P4HA2: variants seen among roughly 807,000 people sequenced by gnomAD.
The protein encoded by P4HA2 is prolyl 4-hydroxylase subunit alpha 2.
A neutral mutation model predicts 76.9 loss-of-function variants in P4HA2; 46 were observed. The ratio of observed to expected loss-of-function variants is 0.60; its 90% CI spans 0.47 to 0.76. The LOEUF is 0.76. Ranked by LOEUF, P4HA2 falls within the 30% of genes least tolerant of loss-of-function variation. The pLI is 0.00. For synonymous variants in P4HA2, 243 were observed against 254.0 expected (o/e 0.96, Z 0.41); for missense variants, 583 against 669.4 (o/e 0.87, Z 1.42).
In P4HA2 at chr5:132,217,190, C is replaced by T; in HGVS notation, c.331+7G>A. 1 of 1,613,532 alleles carries T rather than the reference C, an allele frequency of 6.2e-7. No individual in the cohort carries two copies. The highest frequency in any genetic ancestry group is 1.1e-5 in the South Asian group (1 of 90,990). ...GCTCACTCAAGCACCTGCTCACCGTCCCTCACCTGCAGCTGAGTCCTGCAG... is the reference window on the plus strand; with the variant it reads ...GCTCACTCAAGCACCTGCTCACCGTTCCTCACCTGCAGCTGAGTCCTGCAG... On this transcript the variant is annotated splice_region_variant and intron_variant, in intron 4 of 14. Coordinates refer to ENST00000360568, the MANE Select transcript of P4HA2 (RefSeq NM_001017974.2).
chr5:132,222,908 T>C (rs756242819), intron 1 of P4HA2, among the ~76,000 whole-genome samples: 6 of 152,234 alleles, frequency 3.9e-5, no homozygotes, highest in Non-Finnish European at 7.3e-5. Flanking sequence ...TTTTCAGTCA[T>C]AGTCTTGGCA....
intron 1 of P4HA2, chr5:132,227,502 C>A (rs937829278): frequency 6.6e-6 from 1 of 151,552 alleles, no homozygotes. Flanking sequence ...CAGCCCCGCC[C>A]GACAGCCGAG....
intron 6 of P4HA2, among the ~76,000 whole-genome samples, chr5:132,209,694 C>G (rs12657965): frequency 0.37 from 55,931 of 149,736 alleles, 10,947 homozygotes; most frequent in Non-Finnish European, 0.45. Flanking sequence ...AAAATCTCAT[C>G]AACCCGGGAG....
chr5:132,196,583 G>A (rs1054126104), intron 12 of P4HA2, among the ~76,000 whole-genome samples: 1 of 152,156 alleles, frequency 6.6e-6, no homozygotes, highest in African/African-American at 2.4e-5. Flanking sequence ...TGTTTAGGCT[G>A]GGCATGGTGG....
chr5:132,206,323 T>C lies in P4HA2; in HGVS notation c.1080+1385A>G, dbSNP rs116694516. On this transcript the variant is annotated intron_variant, in intron 8 of 14. Transcript: ENST00000360568. ...GGGGAGTCCTAGTCCCCATTCTCCA[T>C]ATATCTGGCTAGCCCCCTTCCTCAG... is the stretch of plus-strand genomic sequence containing the variant. 3.0e-3 allele frequency among the ~76,000 whole-genome samples: 459 copies of C among 152,244 alleles called. 4 individuals are homozygous for C. Among genetic ancestry groups the C allele is most frequent in the African/African-American group, 0.01 (433 of 41,560 alleles).
chr5:132,226,470 CTTTTT>C (rs1755411007), intron 1 of P4HA2, among the ~76,000 whole-genome samples: 1 of 152,084 alleles, frequency 6.6e-6, no homozygotes, highest in Admixed American at 6.5e-5. Flanking sequence ...CACCATCTCT[CTTTTT>C]TATTTTTTTT....
In P4HA2 at chr5:132,210,396, C is replaced by G. The variant is rs756611467; in HGVS notation, c.597G>C (p.Gly199=). Residue 199 remains glycine (G), a synonymous_variant, in exon 6 of 15, where the codon GGG becomes GGC. Coordinates refer to ENST00000360568, the MANE Select transcript of P4HA2 (RefSeq NM_001017974.2). ...GTGACTTGGTTGTGGTGGCCTCCTC[C>G]CCGGCATCAAGCTGCTTTAGCACCT... ...MEQVLKQLDA[G]EEATTTKSQV... 1 of 1,614,120 alleles carries G rather than the reference C, an allele frequency of 6.2e-7. No individual in the cohort carries two copies. Among genetic ancestry groups the G allele is most frequent in the East Asian group, 2.2e-5 (1 of 44,866 alleles).
chr5:132,195,017 T>A lies in P4HA2; in HGVS notation c.1440A>T (p.Thr480=). The change falls in exon 14 of 15, where the codon ACA becomes ACT. Residue 480 remains threonine (T), a synonymous_variant. Coordinates refer to ENST00000360568, the MANE Select transcript of P4HA2 (RefSeq NM_001017974.2). ...LGAAIWPKKG[T]AVFWYNLLRS... is the part of the protein sequence containing the mutation. The stretch of plus-strand genomic sequence containing the variant: ...GCAAGAGGTTGTACCAGAACACAGC[T>A]GTACCCTGGGAAAGAGATGGCCTTT... The A allele has an allele frequency of 6.2e-7, 1 of 1,608,242 alleles. No individual in the cohort carries two copies. Among genetic ancestry groups the A allele is most frequent in the East Asian group, 2.2e-5 (1 of 44,858 alleles).
intron 12 of P4HA2, 183 bp downstream of exon 12, chr5:132,198,138 G>T (rs1750939706): frequency 6.2e-7 from 1 of 1,605,660 alleles, no homozygotes; most frequent in Admixed American, 1.7e-5. Context: ...CCCTGATGGG[G>T]GTGGGATATA....
At chr5:132,205,140 AG>A (rs1411384454) in intron 8 of P4HA2, among the ~76,000 whole-genome samples, 1 of 152,248 alleles carries the variant, frequency 6.6e-6, no homozygotes, top group African/African-American at 2.4e-5. Flanking sequence ...GCAGAAAACC[AG>A]TCAGGTAACT....
At chr5:132,208,533 A>C (rs936630317) in intron 7 of P4HA2, among the ~76,000 whole-genome samples, 16 of 151,364 alleles carry the variant, frequency 1.1e-4, no homozygotes, top group African/African-American at 3.6e-4. Flanking sequence ...CTTCTCTCCC[A>C]AAATCACCTC....
chr5:132,226,973 C>A, intron 1 of P4HA2: 1 of 152,930 alleles, frequency 6.5e-6, no homozygotes. Context: ...TGCCAGCCTT[C>A]CTCTGACCAC....
At chr5:132,204,289 G>A (rs2126564253) in intron 8 of P4HA2, 137 bp from the exon 9 acceptor site, 4 of 710,416 alleles carry the variant, frequency 5.6e-6, no homozygotes, top group Non-Finnish European at 9.9e-6. Context: ...CTCTAGCCAA[G>A]GCCCCAAGAT....
rs749941444 is a variant in P4HA2 at position 132,209,265 on chromosome 5, T to C, written c.776A>G (p.Glu259Gly). 11 of 1,614,112 alleles carry C rather than the reference T, an allele frequency of 6.8e-6. No individual in the cohort carries two copies. In the Admixed American group the frequency reaches 1.8e-4, roughly 27 times the overall value. Residue 259 changes from glutamate to glycine, a missense_variant, in exon 7 of 15, where the codon GAA becomes GGA. By Grantham distance (98) the Glu-to-Gly change is moderately conservative. Coordinates refer to ENST00000360568, the MANE Select transcript of P4HA2 (RefSeq NM_001017974.2). ...TTCTGTCTGATTTGTTAACGTTTTT[T>C]CTCTCTCTTCCTCCAATAACTGCTC... The part of the protein sequence containing the change: ...YFEQLLEEER[E>G]KTLTNQTEAE...
intron 6 of P4HA2, 55 bp downstream of exon 6, chr5:132,210,229 G>A: frequency 6.3e-7 from 1 of 1,597,010 alleles, no homozygotes; most frequent in South Asian, 1.1e-5. Flanking sequence ...CCAGCACAGT[G>A]CAGTTCCTCT....
chr5:132,198,978 T>A (rs1210096127), intron 10 of P4HA2, 46 bp from the exon 11 acceptor site: 1 of 1,308,948 alleles, frequency 7.6e-7, no homozygotes, highest in Non-Finnish European at 1.1e-6. Context: ...CATGAACAGC[T>A]CTGTAGCAGC....
At chr5:132,211,248 A>G (rs1753045344) in intron 5 of P4HA2, among the ~76,000 whole-genome samples, 1 of 152,220 alleles carries the variant, frequency 6.6e-6, no homozygotes, top group Admixed American at 6.5e-5. Context: ...CCATGAAGAT[A>G]GTTTCAAGCC....
At position 132,191,040 on chromosome 5, in the gene P4HA2, AG is replaced by A. The variant is rs1434789847; in HGVS notation, c.*1969del. 6.6e-6 allele frequency among the ~76,000 whole-genome samples: 1 copy of A among 152,180 alleles called. No individual in the cohort carries two copies. The highest frequency in any genetic ancestry group is 1.5e-5 in the Non-Finnish European group (1 of 68,028). On this transcript the variant is annotated 3_prime_UTR_variant, in exon 15 of 15. Transcript: ENST00000360568. ...GAAAGTCCGAGATCAAGATGCTAGT[AG>A]GTTTGTTTCTGGTAAGGGCCCCCTG...
rs3805684 is a variant in P4HA2, at chr5:132,192,543, G to T, written c.*467C>A. The T allele has an allele frequency of 1.6e-3, 251 of 153,528 alleles. 1 individual carries two copies. Among genetic ancestry groups the T allele is most frequent in the East Asian group, 0.016 (86 of 5,342 alleles). The allele number at this position is 153,528 out of a possible 1,614,324, so 9.5% of individuals were successfully genotyped here. On this transcript the variant is annotated 3_prime_UTR_variant, in exon 15 of 15. Transcript: ENST00000360568. Reference sequence around the variant, plus strand: ...ATTATCCAGACTCTGCCTGCATGAAGGTGATGCATAGGAAATGATGAACCT... The same window carrying T: ...ATTATCCAGACTCTGCCTGCATGAATGTGATGCATAGGAAATGATGAACCT...
Sources: gnomAD v4.1 joint callset for allele counts (sites outside exome capture counted in the v4.1 genomes callset) on GRCh38, gnomAD v4.1.1 for gene constraint, MANE v1.5 for transcripts, NCBI Gene and HGNC (gene_info 2026-07-23, HGNC 2026-07-21) for gene names.